LYST: variants seen among roughly 807,000 people sequenced by gnomAD.
LYST encodes the protein lysosomal trafficking regulator.
A neutral mutation model predicts 413.6 loss-of-function variants in LYST; 192 were observed. The ratio of observed to expected loss-of-function variants is 0.46; its 90% CI spans 0.41 to 0.52. LYST has a LOEUF of 0.52. Ranked by LOEUF, LYST falls within the 20% of genes least tolerant of loss-of-function variation. The probability of loss-of-function intolerance (pLI) is 0.00; values close to 1 mark genes in which losing one functional copy is unlikely to be tolerated. For synonymous variants in LYST, 1,525 were observed against 1,567.3 expected, an observed-to-expected ratio of 0.97 and a Z score of 0.64; for missense variants, 3,815 against 4,499.9, an observed-to-expected ratio of 0.85 and a Z score of 4.35.
Position 235,770,377 on chromosome 1 carries a change from C to T in LYST, c.5785-80G>A. 4 of 1,238,940 alleles carry T rather than the reference C, an allele frequency of 3.2e-6. No individual in the cohort carries two copies. In the South Asian group the frequency reaches 3.6e-5, roughly 11 times the overall value. 76.7% of individuals were successfully genotyped at this position (1,238,940 alleles called of 1,614,324 possible). ...TGCTTTTTGGAAGACACACAACGCG[C>T]AACAATTTAACATTGTGTATATATT... On this transcript the variant is annotated intron_variant, in intron 19 of 52. Coordinates refer to ENST00000389793, the MANE Select transcript of LYST (RefSeq NM_000081.4).
At chr1:235,869,370 G>A (rs1025913631), upstream of LYST, among the ~76,000 whole-genome samples, 1 of 152,188 alleles carries the variant, frequency 6.6e-6, no homozygotes, top group Non-Finnish European at 1.5e-5. Context: ...TAATCGAGAG[G>A]CTGAGGCAGG....
chr1:235,717,600 T>C (rs1468982565), intron 40 of LYST, among the ~76,000 whole-genome samples: 1 of 152,200 alleles, frequency 6.6e-6, no homozygotes, highest in Non-Finnish European at 1.5e-5. Context: ...GGCACAGGCA[T>C]GGGACCACCT....
At chr1:235,802,572 C>T (rs142528836) in intron 8 of LYST, among the ~76,000 whole-genome samples, 154 of 152,326 alleles carry the variant, frequency 1.0e-3, no homozygotes, top group African/African-American at 3.6e-3. Flanking sequence ...CCTCACCACC[C>T]AGTTACTAAT....
Position 235,806,634 on chromosome 1 carries a change from G to C in LYST, c.2502C>G (p.Ala834=), listed in dbSNP as rs753120847. Reference sequence around the variant, plus strand: ...CTATCCCATCAATATCTGGAACTGAGGCATCTTTCTGTTGCTCCCCTAGGC... The same window carrying C: ...CTATCCCATCAATATCTGGAACTGACGCATCTTTCTGTTGCTCCCCTAGGC... ...IISLGEQQKD[A]SVPDIDGIDI... The change falls in exon 6 of 53, where the codon GCC becomes GCG. Residue 834 remains alanine, a synonymous_variant. Transcript: ENST00000389793. The C allele has an allele frequency of 1.9e-6, 3 of 1,613,814 alleles. No homozygotes were observed. The highest frequency in any genetic ancestry group is 2.5e-6 in the Non-Finnish European group (3 of 1,179,962).
chr1:235,779,649 T>C lies in LYST; in HGVS notation c.5214+1216A>G, dbSNP rs540522308. On this transcript the variant is annotated intron_variant, in intron 16 of 52. Coordinates refer to ENST00000389793, the MANE Select transcript of LYST (RefSeq NM_000081.4). ...AGGAACCATTTCCCTAAAGGATGTT[T>C]TCTTAATGGTGGGACATTTAGGATA... Among the ~76,000 whole-genome samples the C allele has an allele frequency of 2.0e-5, 3 of 152,338 alleles. No individual in the cohort carries two copies. The South Asian group carries it at 6.2e-4, about 32-fold the overall frequency.
intron 34 of LYST, among the ~76,000 whole-genome samples, chr1:235,731,649 C>A (rs1482684049): frequency 1.3e-5 from 2 of 150,290 alleles, no homozygotes; most frequent in African/African-American, 4.9e-5. Context: ...ATTTCTGCCT[C>A]CCGGGCTCAA....
chr1:235,795,122 C>T lies in LYST; in HGVS notation c.4007-1510G>A, dbSNP rs532363419. On this transcript the variant is annotated intron_variant, in intron 10 of 52. Transcript: ENST00000389793. Reference sequence around the variant, plus strand: ...AAAGAGGTTCAGAGCAGTAAGAAGCCGAGCTGTCCATCTAAGGTCTGGAGA... The same window carrying T: ...AAAGAGGTTCAGAGCAGTAAGAAGCTGAGCTGTCCATCTAAGGTCTGGAGA... Among the ~76,000 whole-genome samples the T allele has an allele frequency of 5.3e-5, 8 of 152,114 alleles. No homozygotes were observed. In the East Asian group the frequency reaches 5.8e-4, roughly 11 times the overall value.
rs771702126 is a variant in LYST at position 235,863,111 on chromosome 1, GGCCCAGC to G, written c.-98+3725_-98+3731del. The stretch of plus-strand genomic sequence containing the variant: ...AGGGCTTAAAAAAAATCTTGAACTT[GGCCCAGC>G]ACGGTGGCTCACGCCTGTAATCCAG... On this transcript the variant is annotated intron_variant, in intron 1 of 52. Coordinates refer to ENST00000389793, the MANE Select transcript of LYST (RefSeq NM_000081.4). Among the ~76,000 whole-genome samples, 94 of 152,204 alleles carry G rather than the reference GGCCCAGC, an allele frequency of 6.2e-4. No homozygotes were observed. The South Asian group carries it at 0.012, about 20-fold the overall frequency.
intron 2 of LYST, among the ~76,000 whole-genome samples, chr1:235,832,790 T>C (rs1676131894): frequency 6.6e-6 from 1 of 152,146 alleles, no homozygotes; most frequent in African/African-American, 2.4e-5. Context: ...GAAGTAGAAA[T>C]TGCCGTTATT....
In LYST at chr1:235,810,366, T is replaced by C. The variant is rs188870379; in HGVS notation, c.452A>G (p.His151Arg). Residue 151 changes from histidine (H) to arginine (R), a missense_variant, in exon 5 of 53, where the codon CAT becomes CGT. His to Arg is a conservative substitution (Grantham distance 29, BLOSUM62 0). Coordinates refer to ENST00000389793, the MANE Select transcript of LYST (RefSeq NM_000081.4). ...TCTTGCATCTCTTACAGAATAGCGATGGGTAATTTTACGCTGTCGTCTGCT... is the reference window on the plus strand; with the variant it reads ...TCTTGCATCTCTTACAGAATAGCGACGGGTAATTTTACGCTGTCGTCTGCT... ...RKSRRQRKIT[H>R]RYSVRDARKT... 38 of 1,613,908 alleles carry C rather than the reference T, an allele frequency of 2.4e-5. No homozygotes were observed. The East Asian group carries it at 8.2e-4, about 35-fold the overall frequency.
intron 48 of LYST, among the ~76,000 whole-genome samples, chr1:235,679,424 C>T (rs1298539776): frequency 1.3e-5 from 2 of 152,094 alleles, no homozygotes; most frequent in African/African-American, 2.4e-5. Flanking sequence ...TGGCCCCACT[C>T]TAAATCTTTG....
chr1:235,701,117 C>A (rs1661508393), intron 45 of LYST, among the ~76,000 whole-genome samples: 1 of 152,076 alleles, frequency 6.6e-6, no homozygotes, highest in Non-Finnish European at 1.5e-5. Context: ...AGGGAGCAAA[C>A]TGGGGATATA....
intron 46 of LYST, among the ~76,000 whole-genome samples, chr1:235,694,032 CAG>C (rs1164481306): frequency 7.3e-6 from 1 of 137,282 alleles, no homozygotes; most frequent in Non-Finnish European, 1.5e-5. Flanking sequence ...TTTTTTGAGA[CAG>C]AGTCTCGCTC....
chr1:235,713,660 G>A (rs1428214546), intron 42 of LYST, among the ~76,000 whole-genome samples: 1 of 152,176 alleles, frequency 6.6e-6, no homozygotes, highest in East Asian at 1.9e-4. Flanking sequence ...AGAGAACAGG[G>A]ATACAGCTAA....
chr1:235,723,904 C>A, intron 39 of LYST, 124 bp downstream of exon 39: 2 of 821,282 alleles, frequency 2.4e-6, no homozygotes, highest in Non-Finnish European at 2.0e-6. Flanking sequence ...TCACTTTAAT[C>A]AGGACTAAGA....
chr1:235,663,503 C>T (rs1658193641), intron 52 of LYST, among the ~76,000 whole-genome samples: 1 of 152,050 alleles, frequency 6.6e-6, no homozygotes, highest in Non-Finnish European at 1.5e-5. Context: ...AAAAATGTAA[C>T]ATTAGTAATT....
intron 38 of LYST, 54 bp downstream of exon 38, chr1:235,728,022 C>G: frequency 2.4e-6 from 3 of 1,244,794 alleles, no homozygotes; most frequent in Non-Finnish European, 2.4e-6. Flanking sequence ...TGAATTGATA[C>G]ATTTTTGGAA....
chr1:235,671,120 T>C (rs1227761681), intron 50 of LYST, among the ~76,000 whole-genome samples: 1 of 152,186 alleles, frequency 6.6e-6, no homozygotes, highest in African/African-American at 2.4e-5. Flanking sequence ...GTATTTTTAG[T>C]AGAGACAAGG....
Position 235,712,046 on chromosome 1 carries a change from T to C in LYST, c.9925+11A>G. ...TCAGAAATATAAATTAAAAATAATT[T>C]ATTGCTATACCTTCACGGTTAACTA... On this transcript the variant is annotated intron_variant, in intron 43 of 52. Coordinates refer to ENST00000389793, the MANE Select transcript of LYST (RefSeq NM_000081.4). 2 of 1,512,388 alleles carry C rather than the reference T, an allele frequency of 1.3e-6. No homozygotes were observed. The highest frequency in any genetic ancestry group is 1.3e-5 in the South Asian group (1 of 76,840). 93.7% of individuals were successfully genotyped at this position (1,512,388 alleles called of 1,614,324 possible).
Sources: allele counts gnomAD v4.1 joint callset (sites outside exome capture counted in the v4.1 genomes callset), GRCh38; gene constraint gnomAD v4.1.1; transcripts MANE v1.5; gene names NCBI Gene and HGNC (gene_info 2026-07-23, HGNC 2026-07-21).